MLXIPL: variants seen among roughly 807,000 people sequenced by gnomAD.
MLXIPL encodes MLX interacting protein like, also known as carbohydrate-responsive element-binding protein.
A neutral mutation model predicts 81.5 loss-of-function variants in MLXIPL; 49 were observed. That is an observed-to-expected ratio of 0.60 (90% CI 0.48 to 0.76). The LOEUF is 0.76. Ranked by LOEUF, MLXIPL falls within the 30% of genes least tolerant of loss-of-function variation. The pLI, the probability that MLXIPL is intolerant of heterozygous loss-of-function variation, is 0.00. For missense variants in MLXIPL, 1,053 were observed against 1,167.0 expected, an observed-to-expected ratio of 0.90 and a Z score of 1.42; for synonymous variants, 466 against 485.5, an observed-to-expected ratio of 0.96 and a Z score of 0.53.
chr7:73,621,669 A>G (rs1584153936), intron 1 of MLXIPL, among the ~76,000 whole-genome samples: 1 of 128,204 alleles, frequency 7.8e-6, no homozygotes, highest in Non-Finnish European at 1.7e-5. Context: ...CCAACCCTCC[A>G]TCTCCCTCCA....
chr7:73,606,677 C>T (rs1239872316), intron 5 of MLXIPL: 7 of 411,888 alleles, frequency 1.7e-5, no homozygotes, highest in South Asian at 6.8e-5. Context: ...CCACCCGCCT[C>T]GGCCTCCCAA....
Position 73,624,223 on chromosome 7 carries a change from G to T in MLXIPL, c.270C>A (p.Phe90Leu). ...ACCTGTAGGCCAGGCTCAAGCACTC[G>T]AAGAGGCGTGTGAGTGTGGGGTCGA... ...RSIDPTLTRL[F>L]ECLSLAYSGK... is the part of the protein sequence containing the mutation. Residue 90 changes from phenylalanine to leucine, a missense_variant, in exon 1 of 17, where the codon TTC becomes TTA. Physicochemically the swap from Phe to Leu is conservative, Grantham distance 22 (BLOSUM62 0). This residue lies in a region of MLXIPL where 226 missense variants were observed against 216.2 expected (regional missense o/e 1.05). Transcript: ENST00000313375. 2 of 1,585,492 alleles carry T rather than the reference G, an allele frequency of 1.3e-6. No homozygotes were observed. The highest frequency in any genetic ancestry group is 1.7e-5 in the Admixed American group (1 of 57,904).
rs782219577 is a variant in MLXIPL at position 73,596,140 on chromosome 7, G to A, written c.2058+13C>T. 8 of 1,611,282 alleles carry A rather than the reference G, an allele frequency of 5.0e-6. No individual in the cohort carries two copies. Among genetic ancestry groups the A allele is most frequent in the Non-Finnish European group, 6.8e-6 (8 of 1,179,558 alleles). ...TGTGGTTTTGGGGGTGCCAGCCTGG[G>A]CCCGGGGCTCACCTTGAGGCTGGGC... On this transcript the variant is annotated intron_variant, in intron 13 of 16. Transcript: ENST00000313375. The surrounding 1 kb of genome is among the most constrained non-coding windows in gnomAD (Gnocchi z 4.7).
At chr7:73,645,229 T>C in the MLXIPL span, among the ~76,000 whole-genome samples, 99 of 152,276 alleles carry the variant, frequency 6.5e-4, no homozygotes, top group Non-Finnish European at 7.4e-5. Flanking sequence ...GATCTTTCTA[T>C]GCTGTCCAGG....
At chr7:73,630,433 C>T in the MLXIPL span, among the ~76,000 whole-genome samples, 6 of 151,948 alleles carry the variant, frequency 3.9e-5, no homozygotes, top group Non-Finnish European at 5.9e-5. Context: ...GTTGGGACTA[C>T]AGGCGTGTGC....
intron 7 of MLXIPL, among the ~76,000 whole-genome samples, chr7:73,605,272 A>T (rs1270152963): frequency 6.6e-6 from 1 of 151,480 alleles, no homozygotes; most frequent in Non-Finnish European, 1.5e-5. Context: ...GAAACCACCC[A>T]GACCTGCCAG....
the MLXIPL span, among the ~76,000 whole-genome samples, chr7:73,631,268 G>A: frequency 1.3e-5 from 2 of 151,972 alleles, no homozygotes; most frequent in African/African-American, 4.8e-5. Context: ...CCTCGGCTCG[G>A]CCTCCCAAAG....
the MLXIPL span, among the ~76,000 whole-genome samples, chr7:73,632,743 T>TTTCCTTCCTTCC: frequency 8.0e-3 from 1,071 of 133,920 alleles, 23 homozygotes; most frequent in African/African-American, 0.016. Flanking sequence ...TCCTTCCTTC[T>TTTCCTTCCTTCC]TTCCTTCCTT....
the MLXIPL span, among the ~76,000 whole-genome samples, chr7:73,643,794 G>A: frequency 1.3e-5 from 2 of 152,140 alleles, no homozygotes; most frequent in African/African-American, 2.4e-5. Context: ...TGGAGGCAAG[G>A]TGTTGCTCTT....
intron 8 of MLXIPL, 25 bp from the exon 9 acceptor site, chr7:73,597,738 T>G: frequency 7.5e-7 from 1 of 1,334,184 alleles, no homozygotes; most frequent in Non-Finnish European, 9.6e-7. Context: ...AGACAGACAC[T>G]CAGAGAGCAG....
chr7:73,640,497 C>G, the MLXIPL span, among the ~76,000 whole-genome samples: 1 of 151,558 alleles, frequency 6.6e-6, no homozygotes, highest in African/African-American at 2.4e-5. Flanking sequence ...ATGATGGCGG[C>G]CGGGCGTGGT....
intron 2 of MLXIPL, among the ~76,000 whole-genome samples, chr7:73,613,380 C>T (rs1795817699): frequency 6.6e-6 from 1 of 152,066 alleles, no homozygotes; most frequent in South Asian, 2.1e-4. Context: ...GGGCAGATCA[C>T]TTGTGGCCAG....
In MLXIPL at chr7:73,624,360, G is replaced by T; in HGVS notation, c.133C>A (p.Gln45Lys). 1 of 1,581,982 alleles carries T rather than the reference G, an allele frequency of 6.3e-7. No homozygotes were observed. ...RRSAGGLLRS[Q>K]VIHSGHFMVS... is the part of the protein sequence containing the mutation. ...ATGAAGTGACCGCTGTGGATGACCT[G>T]CGAGCGGAGCAAGCCGCCCGCGCTG... Residue 45 changes from glutamine to lysine, a missense_variant, in exon 1 of 17, where the codon CAG becomes AAG. Coordinates refer to ENST00000313375, the MANE Select transcript of MLXIPL (RefSeq NM_032951.3).
Position 73,596,888 on chromosome 7 carries a change from G to A in MLXIPL, c.1648C>T (p.Leu550Phe), listed in dbSNP as rs1554594332. ...ALEPPLVSSTLLRSPGSPQET... is the reference protein window; with the variant it reads ...ALEPPLVSSTFLRSPGSPQET... The stretch of plus-strand genomic sequence containing the variant: ...ACCGGGGACCCTGGGGACCGGAGGA[G>A]GGTGCTGGATACAAGTGGTGGCTCC... Residue 550 changes from leucine to phenylalanine, a missense_variant, in exon 10 of 17, where the codon CTC (leucine) becomes TTC (phenylalanine). Physicochemically the swap from Leu to Phe is conservative, Grantham distance 22. Around this residue, in one of 3 missense-constraint regions of MLXIPL, gnomAD observed 823 missense variants for 933.0 expected, o/e 0.88. Coordinates refer to ENST00000313375, the MANE Select transcript of MLXIPL (RefSeq NM_032951.3). The surrounding 1 kb of genome is among the most constrained non-coding windows in gnomAD (Gnocchi z 4.7). 3 of 1,611,296 alleles carry A rather than the reference G, an allele frequency of 1.9e-6. No homozygotes were observed. Among genetic ancestry groups the A allele is most frequent in the Non-Finnish European group, 1.7e-6 (2 of 1,179,724 alleles).
chr7:73,640,175 C>T, the MLXIPL span, among the ~76,000 whole-genome samples: 2 of 151,538 alleles, frequency 1.3e-5, no homozygotes, highest in African/African-American at 4.9e-5. Flanking sequence ...GAGGTGGAGG[C>T]AGAGTGATCA....
chr7:73,634,059 T>A, the MLXIPL span, among the ~76,000 whole-genome samples: 1 of 152,212 alleles, frequency 6.6e-6, no homozygotes, highest in South Asian at 2.1e-4. Context: ...AGTCTCGAAC[T>A]GTGTCTTTAA....
chr7:73,620,296 C>T (rs971112785), intron 1 of MLXIPL, among the ~76,000 whole-genome samples: 3 of 151,034 alleles, frequency 2.0e-5, no homozygotes, highest in Admixed American at 2.0e-4. Flanking sequence ...CCCAACTACT[C>T]GGGAGGCTGA....
the MLXIPL span, among the ~76,000 whole-genome samples, chr7:73,635,749 T>G: frequency 6.6e-6 from 1 of 152,196 alleles, no homozygotes; most frequent in Non-Finnish European, 1.5e-5. Context: ...TCTTCTTCCA[T>G]CAGTCCATTC....
chr7:73,639,662 T>G, the MLXIPL span, among the ~76,000 whole-genome samples: 14 of 151,784 alleles, frequency 9.2e-5, no homozygotes, highest in Non-Finnish European at 1.8e-4. Context: ...GAGGATGAAG[T>G]GAATTAATAC....
Sources: allele counts gnomAD v4.1 joint callset (sites outside exome capture counted in the v4.1 genomes callset), GRCh38; gene constraint gnomAD v4.1.1; regional missense constraint gnomAD v4.1.1; non-coding constraint Gnocchi (gnomAD v3.1); transcripts MANE v1.5; gene names NCBI Gene and HGNC (gene_info 2026-07-23, HGNC 2026-07-21).